The following FAM227B variants were observed in gnomAD, a reference collection of about 807,000 sequenced individuals.
The protein encoded by FAM227B is family with sequence similarity 227 member B.
Under a neutral mutation model 73.8 loss-of-function variants are expected in FAM227B, and 88 were observed. The observed-to-expected ratio is 1.19, with a 90% CI of 1.00 to 1.42. The LOEUF (loss-of-function observed/expected upper bound fraction) is 1.42. Among genes scored for constraint, FAM227B ranks in the 40% most tolerant of loss-of-function variants. The probability of loss-of-function intolerance (pLI) is 0.00; values close to 1 mark genes in which losing one functional copy is unlikely to be tolerated. For synonymous variants in FAM227B, 210 were observed against 190.5 expected, an observed-to-expected ratio of 1.10 and a Z score of -0.84; for missense variants, 632 against 590.9, an observed-to-expected ratio of 1.07 and a Z score of -0.72.
chr15:49,581,766 C>A (rs1156676791), intron 5 of FAM227B, among the ~76,000 whole-genome samples: 3 of 152,126 alleles, frequency 2.0e-5, no homozygotes, highest in Non-Finnish European at 4.4e-5. Context: ...TGTAAGAGGT[C>A]CTTCAGGGAG....
At chr15:49,619,894 C>T (rs1037197850) in intron 1 of FAM227B, among the ~76,000 whole-genome samples, 2 of 152,138 alleles carry the variant, frequency 1.3e-5, no homozygotes, top group South Asian at 2.1e-4. Flanking sequence ...ACAAACAAGC[C>T]CTAGTGCACA....
chr15:49,387,311 C>T (rs2151552088), intron 11 of FAM227B, among the ~76,000 whole-genome samples: 1 of 151,938 alleles, frequency 6.6e-6, no homozygotes, highest in South Asian at 2.1e-4. Flanking sequence ...AAGTGGGTTT[C>T]ATCCCAGGGA....
At chr15:49,463,929 G>T (rs201491404) in intron 11 of FAM227B, among the ~76,000 whole-genome samples, 3 of 132,256 alleles carry the variant, frequency 2.3e-5, no homozygotes, top group African/African-American at 8.8e-5. Flanking sequence ...GTTTTTGTTT[G>T]TTTTTTGTTT....
At chr15:49,552,782 T>C (rs952533182) in intron 9 of FAM227B, among the ~76,000 whole-genome samples, 8 of 152,306 alleles carry the variant, frequency 5.3e-5, no homozygotes, top group Non-Finnish European at 1.2e-4. Flanking sequence ...TTCTGCAGTG[T>C]GCCAATTGCA....
intron 11 of FAM227B, among the ~76,000 whole-genome samples, chr15:49,436,506 T>C (rs527913450): frequency 2.0e-4 from 30 of 151,720 alleles, no homozygotes; most frequent in African/African-American, 7.2e-4. Context: ...GGGCCATTAG[T>C]ATTAAGATAA....
intron 13 of FAM227B, among the ~76,000 whole-genome samples, chr15:49,352,567 C>T (rs2042403978): frequency 6.6e-6 from 1 of 152,132 alleles, no homozygotes; most frequent in South Asian, 2.1e-4. Context: ...TTCAGAGCGC[C>T]TACCATATGT....
intron 11 of FAM227B, among the ~76,000 whole-genome samples, chr15:49,421,576 T>G (rs1176799054): frequency 6.6e-6 from 1 of 152,230 alleles, no homozygotes; most frequent in Non-Finnish European, 1.5e-5. Context: ...TTTAAGTATT[T>G]AGCACTTAGT....
chr15:49,379,167 C>CTTTCTAATGTATTGTTTAA, intron 11 of FAM227B, among the ~76,000 whole-genome samples: 1 of 152,136 alleles, frequency 6.6e-6, no homozygotes, highest in Non-Finnish European at 1.5e-5. Context: ...GATGAATAAT[C>CTTTCTAATGTATTGTTTAA]TTTCTAATGT....
intron 11 of FAM227B, chr15:49,488,809 G>A (rs2056626933): frequency 6.6e-6 from 1 of 152,014 alleles, no homozygotes; most frequent in East Asian, 1.9e-4. Context: ...TGGCTCAGGA[G>A]CCTGGGCATG....
intron 5 of FAM227B, among the ~76,000 whole-genome samples, chr15:49,587,522 G>A (rs1421748961): frequency 6.6e-6 from 1 of 151,720 alleles, no homozygotes; most frequent in East Asian, 1.9e-4. Flanking sequence ...TAAATGAGGT[G>A]GCTAGACTAA....
At chr15:49,401,323 A>G (rs1272470488) in intron 11 of FAM227B, among the ~76,000 whole-genome samples, 4 of 152,270 alleles carry the variant, frequency 2.6e-5, no homozygotes, top group Non-Finnish European at 5.9e-5. Flanking sequence ...ACCAGTTAGA[A>G]TGGCAATCAT....
chr15:49,603,754 A>G (rs1404115150), intron 3 of FAM227B, among the ~76,000 whole-genome samples: 1 of 152,200 alleles, frequency 6.6e-6, no homozygotes, highest in Non-Finnish European at 1.5e-5. Flanking sequence ...AAAGGCATTC[A>G]GCTCTTCTCC....
At chr15:49,577,024 C>T (rs897300336) in intron 6 of FAM227B, 179 bp from the exon 7 acceptor site, 6 of 498,188 alleles carry the variant, frequency 1.2e-5, no homozygotes, top group East Asian at 3.5e-5. Context: ...TGGCCGTGCA[C>T]GGTGGCTCAC....
chr15:49,472,531 T>G (rs2054870485), intron 11 of FAM227B, among the ~76,000 whole-genome samples: 2 of 152,170 alleles, frequency 1.3e-5, no homozygotes, highest in Non-Finnish European at 1.5e-5. Flanking sequence ...GAAAGTTTAT[T>G]TTGTGCAGTC....
chr15:49,422,977 C>T (rs1211490683), intron 11 of FAM227B: 3 of 325,482 alleles, frequency 9.2e-6, no homozygotes, highest in African/African-American at 6.3e-5. Flanking sequence ...TATAATACAA[C>T]TGCTATATTG....
At position 49,328,070 on chromosome 15, in the gene FAM227B, C is replaced by G. The variant is rs1408874087; in HGVS notation, c.*498G>C. Reference sequence around the variant, plus strand: ...AGCAAATGTGCACAAAGCTTATTACCAGAGGAGTGATGGAAGCTTAGCACC... The same window carrying G: ...AGCAAATGTGCACAAAGCTTATTACGAGAGGAGTGATGGAAGCTTAGCACC... On this transcript the variant is annotated 3_prime_UTR_variant, in exon 16 of 16. Transcript: ENST00000299338. The G allele has an allele frequency of 6.2e-7, 1 of 1,613,998 alleles. No individual in the cohort carries two copies. Among genetic ancestry groups the G allele is most frequent in the East Asian group, 2.2e-5 (1 of 44,876 alleles).
At chr15:49,508,163 G>T (rs775805063) in intron 11 of FAM227B, 48 bp downstream of exon 11, 21 of 1,550,242 alleles carry the variant, frequency 1.4e-5, no homozygotes, top group South Asian at 3.6e-5. Context: ...TAAATTAATT[G>T]ATTTTTGCTA....
intron 10 of FAM227B, among the ~76,000 whole-genome samples, chr15:49,531,133 A>G (rs1036074002): frequency 4.0e-5 from 6 of 151,816 alleles, no homozygotes; most frequent in Non-Finnish European, 7.4e-5. Context: ...CTTTGCCACT[A>G]AAAAGCACTA....
intron 11 of FAM227B, chr15:49,487,960 A>G (rs919260676): frequency 1.3e-5 from 2 of 151,950 alleles, no homozygotes; most frequent in Non-Finnish European, 2.9e-5. Flanking sequence ...GCCTCCCATA[A>G]TCCAACTTTA....
Sources: allele counts gnomAD v4.1 joint callset (sites outside exome capture counted in the v4.1 genomes callset), GRCh38; gene constraint gnomAD v4.1.1; transcripts MANE v1.5; gene names NCBI Gene and HGNC (gene_info 2026-07-23, HGNC 2026-07-21).